The following LYPD6B variants were observed in gnomAD, a reference collection of about 807,000 sequenced individuals.
LYPD6B encodes the protein ly6/PLAUR domain-containing protein 6B.
A neutral mutation model predicts 22.8 loss-of-function variants in LYPD6B; 17 were observed. The ratio of observed to expected loss-of-function variants is 0.75; its 90% CI spans 0.51 to 1.12. The LOEUF (loss-of-function observed/expected upper bound fraction) is 1.12. Among genes scored for constraint, LYPD6B ranks in the 50% most tolerant of loss-of-function variants. The pLI, the probability that LYPD6B is intolerant of heterozygous loss-of-function variation, is 0.00. For synonymous variants in LYPD6B, 106 were observed against 91.6 expected (o/e 1.16, Z -0.90); for missense variants, 221 against 258.3 (o/e 0.86, Z 0.99).
chr2:149,184,174 G>A (rs1691943569), intron 3 of LYPD6B, among the ~76,000 whole-genome samples: 1 of 131,440 alleles, frequency 7.6e-6, no homozygotes. Context: ...CAACAAGAGT[G>A]AAACTCCATC....
At chr2:149,200,935 A>G (rs1013019153) in intron 3 of LYPD6B, among the ~76,000 whole-genome samples, 1 of 152,212 alleles carries the variant, frequency 6.6e-6, no homozygotes, top group Non-Finnish European at 1.5e-5. Context: ...CACAGGAAAA[A>G]TCAGTACCAT....
At chr2:149,183,204 T>C (rs969491677) in intron 3 of LYPD6B, among the ~76,000 whole-genome samples, 1 of 152,188 alleles carries the variant, frequency 6.6e-6, no homozygotes, top group Admixed American at 6.5e-5. Flanking sequence ...GTAAACTTTG[T>C]TGGAAGGGTG....
intron 3 of LYPD6B, among the ~76,000 whole-genome samples, chr2:149,181,306 C>T (rs144964430): frequency 5.3e-5 from 8 of 152,264 alleles, no homozygotes; most frequent in East Asian, 3.9e-4. Context: ...AGGTTTTAAG[C>T]GAACCAACCT....
At chr2:149,075,186 C>T (rs533220895) in intron 1 of LYPD6B, among the ~76,000 whole-genome samples, 2 of 152,258 alleles carry the variant, frequency 1.3e-5, no homozygotes, top group South Asian at 4.1e-4. Flanking sequence ...CAGAAATCTT[C>T]CTTCTCCTCT....
At chr2:149,157,716 C>A (rs1235824500) in intron 2 of LYPD6B, among the ~76,000 whole-genome samples, 1 of 152,196 alleles carries the variant, frequency 6.6e-6, no homozygotes, top group Non-Finnish European at 1.5e-5. Context: ...GGAGCCTCTC[C>A]CCTTTTCTTT....
chr2:149,163,548 A>G (rs1690223506), intron 3 of LYPD6B, among the ~76,000 whole-genome samples: 1 of 152,164 alleles, frequency 6.6e-6, no homozygotes, highest in Non-Finnish European at 1.5e-5. Flanking sequence ...GATTGTTTTC[A>G]TTTCAATGTG....
chr2:149,197,219 A>T (rs1171037762), intron 3 of LYPD6B, among the ~76,000 whole-genome samples: 2 of 152,204 alleles, frequency 1.3e-5, no homozygotes, highest in Non-Finnish European at 2.9e-5. Context: ...TGGCTTTTTT[A>T]AAGAAATGGT....
intron 4 of LYPD6B, among the ~76,000 whole-genome samples, chr2:149,207,526 A>T (rs1693576613): frequency 6.6e-6 from 1 of 152,106 alleles, no homozygotes; most frequent in Non-Finnish European, 1.5e-5. Flanking sequence ...GCCAAAAGAA[A>T]AAAAAAAGGC....
At chr2:149,041,439 G>A (rs1351951552) in intron 1 of LYPD6B, among the ~76,000 whole-genome samples, 1 of 152,174 alleles carries the variant, frequency 6.6e-6, no homozygotes, top group East Asian at 1.9e-4. Context: ...GGCCAAAGTG[G>A]TCTAACGCTT....
intron 1 of LYPD6B, among the ~76,000 whole-genome samples, chr2:149,120,361 G>GTGTGTGTATATATATATA (rs796413041): frequency 2.6e-5 from 1 of 38,758 alleles, no homozygotes; most frequent in African/African-American, 1.8e-4. Context: ...GTGTGTGTGT[G>GTGTGTGTATATATATATA]TATATATATA....
intron 4 of LYPD6B, among the ~76,000 whole-genome samples, chr2:149,205,851 C>T (rs763067469): frequency 6.6e-6 from 1 of 152,092 alleles, no homozygotes; most frequent in Non-Finnish European, 1.5e-5. Flanking sequence ...TACTACCGCG[C>T]GTAATCACCA....
In LYPD6B at chr2:149,160,854, A is replaced by T. The variant is rs1376769616; in HGVS notation, c.77+19A>T. 4.6e-6 allele frequency: 7 copies of T among 1,527,540 alleles called. No homozygotes were observed. Among genetic ancestry groups the T allele is most frequent in the Non-Finnish European group, 6.2e-6 (7 of 1,126,118 alleles). 94.6% of individuals were successfully genotyped at this position (1,527,540 alleles called of 1,614,324 possible). A position where few individuals can be genotyped will look rare whatever the true frequency, so the allele number is the denominator to read the frequency against. On this transcript the variant is annotated intron_variant, in intron 3 of 6. Transcript: ENST00000409642. The stretch of plus-strand genomic sequence containing the variant: ...TCTCAAGGTAAGAATGGCAGCTGTT[A>T]CAACAGCCCTCGGCTTTTCATTTGG...
At chr2:149,133,372 T>G (rs1688149950) in intron 2 of LYPD6B, among the ~76,000 whole-genome samples, 1 of 152,234 alleles carries the variant, frequency 6.6e-6, no homozygotes, top group Admixed American at 6.5e-5. Context: ...ATAGTTTCAT[T>G]GATAATTAGT....
intron 3 of LYPD6B, among the ~76,000 whole-genome samples, chr2:149,177,941 C>G (rs1391289380): frequency 6.7e-6 from 1 of 149,858 alleles, no homozygotes; most frequent in Non-Finnish European, 1.5e-5. Context: ...ACACTTTGTA[C>G]TTAATTAATG....
intron 3 of LYPD6B, among the ~76,000 whole-genome samples, chr2:149,182,324 C>G (rs1422067132): frequency 1.3e-5 from 2 of 152,090 alleles, no homozygotes; most frequent in African/African-American, 4.8e-5. Context: ...GTTTAAAACT[C>G]CATGGTGGTT....
intron 1 of LYPD6B, among the ~76,000 whole-genome samples, chr2:149,098,359 T>G (rs1253288764): frequency 6.6e-6 from 1 of 152,050 alleles, no homozygotes; most frequent in Non-Finnish European, 1.5e-5. Context: ...GTGTGGTAGC[T>G]CATGCCTGTA....
At chr2:149,202,121 A>G (rs948549998) in intron 3 of LYPD6B, among the ~76,000 whole-genome samples, 7 of 152,180 alleles carry the variant, frequency 4.6e-5, no homozygotes, top group African/African-American at 1.4e-4. Flanking sequence ...ATATTCCTCT[A>G]TGTTCACTAT....
chr2:149,106,900 C>A (rs1331350989), intron 1 of LYPD6B, among the ~76,000 whole-genome samples: 1 of 151,714 alleles, frequency 6.6e-6, no homozygotes, highest in Non-Finnish European at 1.5e-5. Flanking sequence ...ACTTTTTTTT[C>A]AATACCAATA....
intron 1 of LYPD6B, among the ~76,000 whole-genome samples, chr2:149,075,054 TTCATAAA>T (rs1684818745): frequency 6.6e-6 from 1 of 152,232 alleles, no homozygotes; most frequent in Admixed American, 6.5e-5. Flanking sequence ...GACTTCGTAT[TTCATAAA>T]ACATGGTGAG....
Sources: allele counts gnomAD v4.1 joint callset (sites outside exome capture counted in the v4.1 genomes callset), GRCh38; gene constraint gnomAD v4.1.1; transcripts MANE v1.5; gene names NCBI Gene and HGNC (gene_info 2026-07-23, HGNC 2026-07-21).